Variants in MUC5B observed in about 807,000 individuals in gnomAD.
The protein encoded by MUC5B is mucin 5B, oligomeric mucus/gel-forming.
Under a neutral mutation model 376.9 loss-of-function variants are expected in MUC5B, and 116 were observed. The observed-to-expected ratio is 0.31, with a 90% CI of 0.26 to 0.36. MUC5B has a LOEUF of 0.36. MUC5B is among the 10% of genes least tolerant of loss of function. MUC5B has a pLI of 1.00. For missense variants in MUC5B, 7,165 were observed against 7,769.9 expected (o/e 0.92, Z 2.93); for synonymous variants, 3,517 against 3,390.9 (o/e 1.04, Z -1.29).
chr11:1,247,685 G>T lies in MUC5B; in HGVS notation c.10805G>T (p.Arg3602Leu). 6.3e-7 allele frequency: 1 copy of T among 1,588,376 alleles called. No homozygotes were observed. The highest frequency in any genetic ancestry group is 8.6e-7 in the Non-Finnish European group (1 of 1,163,784). Residue 3602 changes from arginine to leucine, a missense_variant, in exon 31 of 49, where the codon CGT becomes CTT. Around this residue, in one of 31 missense-constraint regions of MUC5B, gnomAD observed 81 missense variants for 154.5 expected, o/e 0.52. Transcript: ENST00000529681. ...GACTTTGACACCTACTCCAACATCC[G>T]TGCGGCCGGAGGGGCAGTCTGTGAG... ...GGDFDTYSNI[R>L]AAGGAVCEQP...
intron 2 of MUC5B, 123 bp from the exon 3 acceptor site, chr11:1,226,082 C>A: frequency 1.0e-6 from 1 of 969,956 alleles, no homozygotes; most frequent in Non-Finnish European, 1.5e-6. Flanking sequence ...GCCTTGGCCC[C>A]AGCCCATCAG....
chr11:1,240,313 C>G lies in MUC5B; in HGVS notation c.3908C>G (p.Pro1303Arg). 6.2e-7 allele frequency: 1 copy of G among 1,612,974 alleles called. No homozygotes were observed. Among genetic ancestry groups the G allele is most frequent in the Non-Finnish European group, 8.5e-7 (1 of 1,179,136 alleles). The change falls in exon 30 of 49, where the codon CCT becomes CGT. Residue 1303 changes from proline (P) to arginine (R), a missense_variant. Pro to Arg is a moderately radical substitution (Grantham distance 103). Transcript: ENST00000529681. ...ATCATCAGGAAGGCTGTGGCATGTC[C>G]TGGAACTCCAGCCACAACGCCATTC... is the stretch of plus-strand genomic sequence containing the variant. ...GTIIRKAVAC[P>R]GTPATTPFTF...
Position 1,240,411 on chromosome 11 carries a change from G to A in MUC5B, c.3970+36G>A, listed in dbSNP as rs371452126. On this transcript the variant is annotated intron_variant, in intron 30 of 48. Coordinates refer to ENST00000529681, the MANE Select transcript of MUC5B (RefSeq NM_002458.3). ...CCTGGCTCTCCTGAGGCCCAGTACC[G>A]TCTGGGTGACAAGGAGGACCCCCTG... 1.5e-4 allele frequency: 224 copies of A among 1,531,886 alleles called. 1 individual carries two copies. In the African/African-American group the frequency reaches 1.9e-3, roughly 13 times the overall value. 94.9% of individuals were successfully genotyped at this position (1,531,886 alleles called of 1,614,324 possible).
rs892568274 is a variant in MUC5B, at chr11:1,223,206, C to A, written c.70+13C>A. On this transcript the variant is annotated intron_variant, in intron 1 of 48. Coordinates refer to ENST00000529681, the MANE Select transcript of MUC5B (RefSeq NM_002458.3). ...GTGCCGCAGGCAGGTAAGAGCCCCC[C>A]ACTCCGCCCCCTCTCGATGCTGTCT... The A allele has an allele frequency of 1.4e-5, 10 of 710,390 alleles. No homozygotes were observed. The highest frequency in any genetic ancestry group is 2.6e-5 in the Non-Finnish European group (10 of 384,494). The allele number at this position is 710,390 out of a possible 1,614,324, so 44.0% of individuals were successfully genotyped here. A position where few individuals can be genotyped will look rare whatever the true frequency, so the allele number is the denominator to read the frequency against.
chr11:1,236,691 C>A, intron 24 of MUC5B, 129 bp downstream of exon 24: 1 of 1,145,142 alleles, frequency 8.7e-7, no homozygotes, highest in Non-Finnish European at 1.2e-6. Context: ...AGGGCCCTGC[C>A]TGTGGCCTCC....
Position 1,258,403 on chromosome 11 carries a change from G to A in MUC5B, c.16593+36G>A, listed in dbSNP as rs2133854015. 1 of 1,609,128 alleles carries A rather than the reference G, an allele frequency of 6.2e-7. No homozygotes were observed. The highest frequency in any genetic ancestry group is 8.5e-7 in the Non-Finnish European group (1 of 1,178,042). On this transcript the variant is annotated intron_variant, in intron 43 of 48. Coordinates refer to ENST00000529681, the MANE Select transcript of MUC5B (RefSeq NM_002458.3). This position sits in a 1 kb window ranked among gnomAD's most constrained non-coding sequence, Gnocchi z 5.5. Reference sequence around the variant, plus strand: ...AGCAGTGGGTGGGTGTGGCCCTGGGGCCTGAACATGTGTGTGGGATGCCCC... The same window carrying A: ...AGCAGTGGGTGGGTGTGGCCCTGGGACCTGAACATGTGTGTGGGATGCCCC...
In MUC5B at chr11:1,241,435, A is replaced by G. The variant is rs1862281417; in HGVS notation, c.4555A>G (p.Lys1519Glu). The G allele has an allele frequency of 6.2e-7, 1 of 1,613,192 alleles. No homozygotes were observed. The highest frequency in any genetic ancestry group is 1.3e-5 in the African/African-American group (1 of 74,850). Residue 1519 changes from lysine to glutamate, a missense_variant, in exon 31 of 49, where the codon AAG becomes GAG. This residue lies in a region of MUC5B where 517 missense variants were observed against 545.3 expected (regional missense o/e 0.95). Transcript: ENST00000529681. Reference protein sequence around the residue: ...WTEWFDEDYPKSEQLGGDVES... With the variant: ...WTEWFDEDYPESEQLGGDVES... The stretch of plus-strand genomic sequence containing the variant: ...AGAGTGGTTTGATGAGGACTACCCC[A>G]AGTCTGAACAACTTGGAGGGGACGT...
chr11:1,226,334 G>A (rs1235300813), intron 3 of MUC5B, 58 bp downstream of exon 3: 4 of 1,535,230 alleles, frequency 2.6e-6, no homozygotes, highest in Non-Finnish European at 3.5e-6. Context: ...CCCAAAGGTG[G>A]GGGCCCAGAT....
rs1337060550 is a variant in MUC5B, at chr11:1,253,086, T to C, written c.15217+106T>C. 2 of 516,248 alleles carry C rather than the reference T, an allele frequency of 3.9e-6. No homozygotes were observed. The highest frequency in any genetic ancestry group is 7.0e-5 in the South Asian group (2 of 28,568). 32.0% of individuals were successfully genotyped at this position (516,248 alleles called of 1,614,324 possible). Reference sequence around the variant, plus strand: ...CATGGTGGGGCACAGTGGGGTGCAGTGGGGAATGGTGGGGCATGGTGGGGC... The same window carrying C: ...CATGGTGGGGCACAGTGGGGTGCAGCGGGGAATGGTGGGGCATGGTGGGGC... On this transcript the variant is annotated intron_variant, in intron 33 of 48. Coordinates refer to ENST00000529681, the MANE Select transcript of MUC5B (RefSeq NM_002458.3). The surrounding 1 kb of genome is among the most constrained non-coding windows in gnomAD (Gnocchi z 4.3).
Position 1,252,497 on chromosome 11 carries a change from C to T in MUC5B, c.15018C>T (p.Gly5006=). The T allele has an allele frequency of 6.4e-7, 1 of 1,569,724 alleles. No individual in the cohort carries two copies. Among genetic ancestry groups the T allele is most frequent in the South Asian group, 1.2e-5 (1 of 84,124 alleles). The change falls in exon 32 of 49, where the codon GGC becomes GGT. Residue 5006 remains glycine, a synonymous_variant. Transcript: ENST00000529681. ...TGTCCTCGCCCTCCCCTGCCCCTGG[C>T]TGTGACAATGCCATCCCTCTCCGGC... ...APLSSPSPAP[G]CDNAIPLRQV...
chr11:1,227,406 C>T lies in MUC5B; in HGVS notation c.667+8C>T. ...ACGAGTTCTATGCCCACAGTGAGTG[C>T]CACCTGGGTGAGGGGGCGGTGACCA... On this transcript the variant is annotated splice_region_variant and intron_variant, in intron 6 of 48. Coordinates refer to ENST00000529681, the MANE Select transcript of MUC5B (RefSeq NM_002458.3). 6.3e-7 allele frequency: 1 copy of T among 1,599,984 alleles called. No homozygotes were observed. The highest frequency in any genetic ancestry group is 1.1e-5 in the South Asian group (1 of 90,308).
Position 1,250,373 on chromosome 11 carries a change from C to T in MUC5B, c.13493C>T (p.Ser4498Phe), listed in dbSNP as rs4046527. ...PTVTSSKATP[S>F]SSPGTATALP... is the part of the protein sequence containing the mutation. ...GTCACCAGCTCCAAAGCCACTCCCT[C>T]CTCCAGTCCAGGGACTGCAACTGCC... The change falls in exon 31 of 49, where the codon TCC (serine) becomes TTC (phenylalanine). Residue 4498 changes from serine (S) to phenylalanine (F), a missense_variant. This residue lies in a region of MUC5B where 431 missense variants were observed against 390.4 expected (regional missense o/e 1.10). Transcript: ENST00000529681. The T allele has an allele frequency of 2.3e-5, 37 of 1,613,408 alleles. 1 individual carries two copies. The highest frequency in any genetic ancestry group is 1.3e-4 in the South Asian group (12 of 91,048).
chr11:1,244,448 C>A lies in MUC5B; in HGVS notation c.7568C>A (p.Pro2523Gln). 1 of 1,607,348 alleles carries A rather than the reference C, an allele frequency of 6.2e-7. No homozygotes were observed. The highest frequency in any genetic ancestry group is 8.5e-7 in the Non-Finnish European group (1 of 1,176,190). The change falls in exon 31 of 49, where the codon CCA (proline) becomes CAA (glutamine). Residue 2523 changes from proline (P) to glutamine (Q), a missense_variant. Physicochemically the swap from Pro to Gln is moderately conservative, Grantham distance 76 (BLOSUM62 -1). Around this residue, in one of 31 missense-constraint regions of MUC5B, gnomAD observed 194 missense variants for 268.5 expected, o/e 0.72. Coordinates refer to ENST00000529681, the MANE Select transcript of MUC5B (RefSeq NM_002458.3). ...FSSPGTATAL[P>Q]ALRSTATTPT... Reference sequence around the variant, plus strand: ...AGTCCAGGGACTGCAACCGCCCTTCCAGCACTGAGAAGCACAGCCACCACA... The same window carrying A: ...AGTCCAGGGACTGCAACCGCCCTTCAAGCACTGAGAAGCACAGCCACCACA...
At position 1,247,492 on chromosome 11, in the gene MUC5B, A is replaced by C; in HGVS notation, c.10612A>C (p.Arg3538=). ...CCCGGGCCACACCAGGGGCACCTCCAGGACCACAGCCACAGCCACACCCAG... is the reference window on the plus strand; with the variant it reads ...CCCGGGCCACACCAGGGGCACCTCCCGGACCACAGCCACAGCCACACCCAG... The part of the protein sequence containing the change: ...TTPGHTRGTS[R]TTATATPSKT... Residue 3538 remains arginine, a synonymous_variant, in exon 31 of 49, where the codon AGG becomes CGG. Transcript: ENST00000529681. The C allele has an allele frequency of 6.2e-7, 1 of 1,607,800 alleles. No homozygotes were observed. The highest frequency in any genetic ancestry group is 8.5e-7 in the Non-Finnish European group (1 of 1,177,538).
At chr11:1,237,794 G>T (rs1447454235) in intron 25 of MUC5B, among the ~76,000 whole-genome samples, 1 of 152,202 alleles carries the variant, frequency 6.6e-6, no homozygotes, top group Non-Finnish European at 1.5e-5. Context: ...ACTTGAACCT[G>T]GGAAGAGGAG....
Position 1,241,942 on chromosome 11 carries a change from G to A in MUC5B, c.5062G>A (p.Val1688Met), listed in dbSNP as rs760008397. The change falls in exon 31 of 49, where the codon GTG becomes ATG. Residue 1688 changes from valine (V) to methionine (M), a missense_variant. Around this residue, in one of 31 missense-constraint regions of MUC5B, gnomAD observed 897 missense variants for 779.6 expected, o/e 1.15. Transcript: ENST00000529681. ...AGSTEPTVPG[V>M]ATSTLPTRSA... Reference sequence around the variant, plus strand: ...CTCCACAGAACCCACTGTCCCAGGGGTGGCCACATCCACCCTTCCAACACG... The same window carrying A: ...CTCCACAGAACCCACTGTCCCAGGGATGGCCACATCCACCCTTCCAACACG... 4 of 1,607,078 alleles carry A rather than the reference G, an allele frequency of 2.5e-6. No individual in the cohort carries two copies. The highest frequency in any genetic ancestry group is 3.4e-5 in the Admixed American group (2 of 58,886).
Position 1,251,018 on chromosome 11 carries a change from C to T in MUC5B, c.14138C>T (p.Ala4713Val), listed in dbSNP as rs758848169. ...TPITPVLTST[A>V]TTPAATSSKA... ...ATCACCCCAGTGCTGACCAGCACGG[C>T]CACCACACCCGCAGCCACCAGCTCC... The change falls in exon 31 of 49, where the codon GCC becomes GTC. Residue 4713 changes from alanine to valine, a missense_variant. Coordinates refer to ENST00000529681, the MANE Select transcript of MUC5B (RefSeq NM_002458.3). The T allele has an allele frequency of 3.7e-6, 6 of 1,611,190 alleles. No homozygotes were observed. In the Admixed American group the frequency reaches 1.0e-4, roughly 27 times the overall value.
Position 1,261,509 on chromosome 11 carries a change from C to A in MUC5B, c.17190C>A (p.Thr5730=), listed in dbSNP as rs1315853218. 1.2e-6 allele frequency: 2 copies of A among 1,604,102 alleles called. No homozygotes were observed. Among genetic ancestry groups the A allele is most frequent in the Non-Finnish European group, 1.7e-6 (2 of 1,176,376 alleles). The change falls in exon 49 of 49, where the codon ACC becomes ACA. Residue 5730 remains threonine, a synonymous_variant. Coordinates refer to ENST00000529681, the MANE Select transcript of MUC5B (RefSeq NM_002458.3). ...PNGSAILHTY[T]HVDECGCTPF... Reference sequence around the variant, plus strand: ...GCTCAGCCATCCTGCACACCTACACCCACGTGGATGAGTGTGGCTGCACGC... The same window carrying A: ...GCTCAGCCATCCTGCACACCTACACACACGTGGATGAGTGTGGCTGCACGC...
At position 1,245,928 on chromosome 11, in the gene MUC5B, G is replaced by C. The variant is rs139052978; in HGVS notation, c.9048G>C (p.Pro3016=). The change falls in exon 31 of 49, where the codon CCG becomes CCC. Residue 3016 remains proline (P), a synonymous_variant. Coordinates refer to ENST00000529681, the MANE Select transcript of MUC5B (RefSeq NM_002458.3). ...CCACGGCCATCCCGTCCTCCACCCCGGGAACAGCTCCCCCTCCCAAAGTGC... is the reference window on the plus strand; with the variant it reads ...CCACGGCCATCCCGTCCTCCACCCCCGGAACAGCTCCCCCTCCCAAAGTGC... ...TGSTAIPSST[P]GTAPPPKVLT... The C allele has an allele frequency of 4.4e-6, 7 of 1,608,438 alleles. No homozygotes were observed. Among genetic ancestry groups the C allele is most frequent in the African/African-American group, 2.7e-5 (2 of 73,220 alleles).
Sources: allele counts gnomAD v4.1 joint callset (sites outside exome capture counted in the v4.1 genomes callset), GRCh38; gene constraint gnomAD v4.1.1; regional missense constraint gnomAD v4.1.1; non-coding constraint Gnocchi (gnomAD v3.1); transcripts MANE v1.5; gene names NCBI Gene and HGNC (gene_info 2026-07-23, HGNC 2026-07-21).